Variants in FAM135B observed in about 807,000 individuals in gnomAD.
FAM135B encodes family with sequence similarity 135 member B, also known as protein FAM135B.
FAM135B carries 43 observed loss-of-function variants against 127.7 expected under a neutral mutation model. The observed-to-expected ratio is 0.34, with a 90% CI of 0.26 to 0.43. The LOEUF (loss-of-function observed/expected upper bound fraction) is 0.43, where lower values mean the gene tolerates loss of function less well. Among genes scored for constraint, FAM135B ranks in the 20% least tolerant of loss-of-function variants. The pLI is 1.00. For missense variants in FAM135B, 1,558 were observed against 1,725.6 expected (o/e 0.90, Z 1.72); for synonymous variants, 670 against 665.1 (o/e 1.01, Z -0.11).
intron 17 of FAM135B, among the ~76,000 whole-genome samples, chr8:138,140,269 T>C (rs1817017709): frequency 1.3e-5 from 2 of 152,192 alleles, no homozygotes; most frequent in South Asian, 2.1e-4. Flanking sequence ...ACAACGTTAG[T>C]GTGGGAGAGG....
intron 1 of FAM135B, among the ~76,000 whole-genome samples, chr8:138,380,425 C>T (rs1831777354): frequency 6.6e-6 from 1 of 152,068 alleles, no homozygotes; most frequent in African/African-American, 2.4e-5. Context: ...AACTCCTGGC[C>T]TCAGGTGATC....
chr8:138,458,187 G>C (rs148112793), intron 1 of FAM135B, among the ~76,000 whole-genome samples: 12 of 152,228 alleles, frequency 7.9e-5, no homozygotes, highest in African/African-American at 2.9e-4. Context: ...ATTCTTATGA[G>C]CATATAGTAG....
chr8:138,334,701 T>C (rs143742491), intron 2 of FAM135B, among the ~76,000 whole-genome samples: 16 of 152,328 alleles, frequency 1.1e-4, no homozygotes, highest in African/African-American at 3.6e-4. Context: ...GCTCCATCCA[T>C]GTCCCTGCAA....
At chr8:138,192,296 T>G (rs1027859606) in intron 9 of FAM135B, among the ~76,000 whole-genome samples, 3 of 152,222 alleles carry the variant, frequency 2.0e-5, no homozygotes, top group Non-Finnish European at 4.4e-5. Flanking sequence ...TTCCTGGGCA[T>G]AGGCCATACT....
chr8:138,405,195 G>A lies in FAM135B; in HGVS notation c.-19-37193C>T, dbSNP rs528838658. 1.2e-4 allele frequency among the ~76,000 whole-genome samples: 18 copies of A among 151,058 alleles called. No homozygotes were observed. The South Asian group carries it at 3.6e-3, about 30-fold the overall frequency. On this transcript the variant is annotated intron_variant, in intron 1 of 19. Transcript: ENST00000395297. ...TGAACAGGTGCATTTTCAATGAGTA[G>A]TAATATTCTTTTTTTTTCTTTTTTT...
At chr8:138,447,070 G>A (rs1216094291) in intron 1 of FAM135B, among the ~76,000 whole-genome samples, 1 of 150,658 alleles carries the variant, frequency 6.6e-6, no homozygotes, top group Non-Finnish European at 1.5e-5. Flanking sequence ...ATCATCACTG[G>A]CCATCAGAGA....
At chr8:138,413,881 TG>T (rs5895521) in intron 1 of FAM135B, among the ~76,000 whole-genome samples, 13,203 of 151,772 alleles carry the variant, frequency 0.087, 984 homozygotes, top group East Asian at 0.26. Flanking sequence ...AGAATAAACC[TG>T]GGGGGGTGGG....
intron 1 of FAM135B, among the ~76,000 whole-genome samples, chr8:138,452,666 C>A (rs2131591428): frequency 6.7e-6 from 1 of 150,270 alleles, no homozygotes; most frequent in Admixed American, 6.7e-5. Context: ...TTTTTGTGGA[C>A]ACGGGATTCA....
intron 1 of FAM135B, among the ~76,000 whole-genome samples, chr8:138,430,126 A>ACCTTCCCAGTTCTGTCTTCT (rs1835112860): frequency 6.6e-6 from 1 of 151,994 alleles, no homozygotes; most frequent in Non-Finnish European, 1.5e-5. Flanking sequence ...CGCCTTCACC[A>ACCTTCCCAGTTCTGTCTTCT]CCTTCCCAGT....
intron 12 of FAM135B, among the ~76,000 whole-genome samples, chr8:138,155,513 G>C (rs1206504876): frequency 6.6e-6 from 1 of 152,128 alleles, no homozygotes; most frequent in Non-Finnish European, 1.5e-5. Context: ...ATTGGATAAA[G>C]AGTCAAGACC....
At chr8:138,429,208 C>G (rs1835067789) in intron 1 of FAM135B, among the ~76,000 whole-genome samples, 4 of 152,198 alleles carry the variant, frequency 2.6e-5, no homozygotes, top group Admixed American at 2.6e-4. Context: ...ATTTGTACCT[C>G]TGCACTTACC....
chr8:138,492,825 C>T (rs1815255277), intron 1 of FAM135B, among the ~76,000 whole-genome samples: 1 of 152,152 alleles, frequency 6.6e-6, no homozygotes, highest in Non-Finnish European at 1.5e-5. Flanking sequence ...ATGTCGGAGG[C>T]TCCTCTTTGT....
chr8:138,476,595 C>G (rs1814460056), intron 1 of FAM135B, among the ~76,000 whole-genome samples: 1 of 151,864 alleles, frequency 6.6e-6, no homozygotes, highest in East Asian at 1.9e-4. Flanking sequence ...ATGAACCCAT[C>G]ATGAACCTAT....
At chr8:138,219,619 A>G (rs1818867249) in intron 7 of FAM135B, among the ~76,000 whole-genome samples, 1 of 152,198 alleles carries the variant, frequency 6.6e-6, no homozygotes, top group Admixed American at 6.5e-5. Context: ...TTCCTCCACT[A>G]GTTAAAACAG....
intron 3 of FAM135B, among the ~76,000 whole-genome samples, chr8:138,278,553 ATTTTTTTTTT>A (rs557719866): frequency 3.3e-5 from 2 of 60,472 alleles, no homozygotes; most frequent in Non-Finnish European, 5.9e-5. Context: ...TAAGAACATG[ATTTTTTTTTT>A]TTTTTTTTTT....
At chr8:138,462,714 T>A (rs149896293) in intron 1 of FAM135B, among the ~76,000 whole-genome samples, 1 of 152,232 alleles carries the variant, frequency 6.6e-6, no homozygotes, top group East Asian at 1.9e-4. Flanking sequence ...CCTTTTAATA[T>A]AACAAAGAAA....
At chr8:138,325,955 T>C (rs894166440) in intron 2 of FAM135B, among the ~76,000 whole-genome samples, 6 of 152,192 alleles carry the variant, frequency 3.9e-5, no homozygotes, top group Non-Finnish European at 8.8e-5. Flanking sequence ...TATCTTTGCA[T>C]ATCTACCCTA....
At position 138,193,856 on chromosome 8, in the gene FAM135B, C is replaced by T. The variant is rs199732678; in HGVS notation, c.873+1402G>A. Among the ~76,000 whole-genome samples the T allele has an allele frequency of 1.2e-4, 18 of 152,344 alleles. No individual in the cohort carries two copies. The East Asian group carries it at 2.9e-3, about 25-fold the overall frequency. On this transcript the variant is annotated intron_variant, in intron 9 of 19. Coordinates refer to ENST00000395297, the MANE Select transcript of FAM135B (RefSeq NM_015912.4). ...GGTGAGCCCATTGTCTCAGGTCCCA[C>T]AGCTGCTCCAAGGAGAAGCTCAGAG...
rs1014909811 is a variant in FAM135B at position 138,329,677 on chromosome 8, C to A, written c.78-18757G>T. Reference sequence around the variant, plus strand: ...GTAGAGTGAGGATTCTGCGGTTAGACAGACATGGGGAAGCTGTAAACTCAC... The same window carrying A: ...GTAGAGTGAGGATTCTGCGGTTAGAAAGACATGGGGAAGCTGTAAACTCAC... On this transcript the variant is annotated intron_variant, in intron 2 of 19. Coordinates refer to ENST00000395297, the MANE Select transcript of FAM135B (RefSeq NM_015912.4). Among the ~76,000 whole-genome samples, 9 of 152,126 alleles carry A rather than the reference C, an allele frequency of 5.9e-5. No homozygotes were observed. In the East Asian group the frequency reaches 1.7e-3, roughly 29 times the overall value.
Sources: allele counts gnomAD v4.1 joint callset (sites outside exome capture counted in the v4.1 genomes callset), GRCh38; gene constraint gnomAD v4.1.1; transcripts MANE v1.5; gene names NCBI Gene and HGNC (gene_info 2026-07-23, HGNC 2026-07-21).